The following SLC10A2 variants were observed in gnomAD, a reference collection of about 807,000 sequenced individuals.
SLC10A2 encodes solute carrier family 10 member 2.
Under a neutral mutation model 27.1 loss-of-function variants are expected in SLC10A2, and 34 were observed. The ratio of observed to expected loss-of-function variants is 1.26; its 90% CI spans 0.96 to 1.67. The LOEUF (loss-of-function observed/expected upper bound fraction) is 1.67. Among genes scored for constraint, SLC10A2 ranks in the 40% most tolerant of loss-of-function variants. The pLI is 0.00. For missense variants in SLC10A2, 530 were observed against 444.4 expected (o/e 1.19, Z -1.73); for synonymous variants, 205 against 174.0 (o/e 1.18, Z -1.40).
At chr13:103,056,672 A>T (rs1875947625) in intron 2 of SLC10A2, among the ~76,000 whole-genome samples, 1 of 152,048 alleles carries the variant, frequency 6.6e-6, no homozygotes, top group African/African-American at 2.4e-5. Flanking sequence ...GCGTCCGCTG[A>T]CAGAGCAGCC....
intron 4 of SLC10A2, among the ~76,000 whole-genome samples, chr13:103,050,272 G>C (rs1416325125): frequency 6.6e-6 from 1 of 152,146 alleles, no homozygotes; most frequent in Non-Finnish European, 1.5e-5. Context: ...AGGTCCCCCG[G>C]GCAGTGTGTG....
rs200735895 is a variant in SLC10A2 at position 103,052,637 on chromosome 13, C to G, written c.568G>C (p.Ala190Pro). The G allele has an allele frequency of 6.2e-7, 1 of 1,609,904 alleles. No homozygotes were observed. Among genetic ancestry groups the G allele is most frequent in the African/African-American group, 1.3e-5 (1 of 74,908 alleles). Residue 190 changes from alanine (A) to proline (P), a missense_variant, in exon 3 of 6, where the codon GCA (alanine) becomes CCA (proline). Transcript: ENST00000245312. ...MFVNHKWPQK[A>P]KIILKIGSIA... ...ATACTTACTTTAAGTATGATCTTTG[C>G]TTTTTGGGGCCATTTGTGATTAACA... is the stretch of plus-strand genomic sequence containing the variant.
intron 1 of SLC10A2, among the ~76,000 whole-genome samples, chr13:103,061,756 G>A (rs560190532): frequency 2.6e-5 from 4 of 152,120 alleles, no homozygotes; most frequent in African/African-American, 2.4e-5. Context: ...ATGAACAGAC[G>A]AATAGGTAGC....
rs1047839539 is a variant in SLC10A2, at chr13:103,045,660, T to C, written c.*473A>G. The C allele has an allele frequency of 6.5e-6, 1 of 153,470 alleles. No homozygotes were observed. The highest frequency in any genetic ancestry group is 1.5e-5 in the Non-Finnish European group (1 of 68,912). 9.5% of individuals were successfully genotyped at this position (153,470 alleles called of 1,614,324 possible). On this transcript the variant is annotated 3_prime_UTR_variant, in exon 6 of 6. Transcript: ENST00000245312. ...TTTAAAATAATGATTAAAATGTCAG[T>C]GAAAGATGTTCATGTCAATTTTTAT... is the stretch of plus-strand genomic sequence containing the variant.
intron 2 of SLC10A2, among the ~76,000 whole-genome samples, chr13:103,055,179 G>A (rs974853210): frequency 6.6e-6 from 1 of 152,134 alleles, no homozygotes; most frequent in Admixed American, 6.6e-5. Flanking sequence ...AAAATGGGTG[G>A]AGTTATGTCT....
chr13:103,046,188 T>TCCGTTA lies in SLC10A2; in HGVS notation c.991_992insTAACGG (p.Thr330_Glu331insValThr). The TCCGTTA allele has an allele frequency of 6.2e-7, 1 of 1,613,956 alleles. No individual in the cohort carries two copies. Among genetic ancestry groups the TCCGTTA allele is most frequent in the East Asian group, 2.2e-5 (1 of 44,858 alleles). ...TGCCTTATAAAACGATGACTCTGGC[T>TCCGTTA]CCGTTCCATTTTCTTTGCTCTCTGG... On this transcript the variant is annotated inframe_insertion, in exon 6 of 6. Transcript: ENST00000245312.
chr13:103,044,866 T>G lies in SLC10A2; in HGVS notation c.*1267A>C, dbSNP rs1875561689. On this transcript the variant is annotated 3_prime_UTR_variant, in exon 6 of 6. Transcript: ENST00000245312. Reference sequence around the variant, plus strand: ...ATCTTATAATTGAAAGTCCAACACTTGATGAGTTATTTTCCCCTGGCAGCC... The same window carrying G: ...ATCTTATAATTGAAAGTCCAACACTGGATGAGTTATTTTCCCCTGGCAGCC... The G allele has an allele frequency of 6.6e-6, 1 of 152,168 alleles. No individual in the cohort carries two copies. The highest frequency in any genetic ancestry group is 1.5e-5 in the Non-Finnish European group (1 of 68,034). The allele number at this position is 152,168 out of a possible 1,614,324, so 9.4% of individuals were successfully genotyped here.
chr13:103,055,039 G>A (rs959523962), intron 2 of SLC10A2, among the ~76,000 whole-genome samples: 10 of 152,176 alleles, frequency 6.6e-5, no homozygotes, highest in Admixed American at 1.3e-4. Flanking sequence ...ATGAAAGAGA[G>A]TGGTGGTGAA....
chr13:103,053,927 C>T (rs1875862517), intron 2 of SLC10A2, among the ~76,000 whole-genome samples: 1 of 151,972 alleles, frequency 6.6e-6, no homozygotes, highest in Admixed American at 6.6e-5. Flanking sequence ...GTGGCGTTGA[C>T]ACACGTACTG....
rs1437698172 is a variant in SLC10A2 at position 103,051,648 on chromosome 13, G to T, written c.586-216C>A. Among the ~76,000 whole-genome samples, 7 of 152,206 alleles carry T rather than the reference G, an allele frequency of 4.6e-5. No individual in the cohort carries two copies. The South Asian group carries it at 6.2e-4, about 14-fold the overall frequency. Reference sequence around the variant, plus strand: ...AAGCTTTAAGAACACAATAGGACATGTAGCAACCATTTGCAATTAGTCTGA... The same window carrying T: ...AAGCTTTAAGAACACAATAGGACATTTAGCAACCATTTGCAATTAGTCTGA... On this transcript the variant is annotated intron_variant, in intron 3 of 5. Transcript: ENST00000245312.
intron 2 of SLC10A2, among the ~76,000 whole-genome samples, chr13:103,054,411 C>A (rs1376458146): frequency 6.6e-6 from 1 of 152,162 alleles, no homozygotes; most frequent in Non-Finnish European, 1.5e-5. Context: ...AAGAAGGAAA[C>A]TCCCTCTCCT....
chr13:103,057,252 A>T (rs536445686), intron 2 of SLC10A2, among the ~76,000 whole-genome samples: 2 of 152,154 alleles, frequency 1.3e-5, no homozygotes, highest in Non-Finnish European at 2.9e-5. Context: ...TGTTCGTGAT[A>T]GTTCTGTGGG....
At chr13:103,049,200 A>T in intron 5 of SLC10A2, 89 bp downstream of exon 5, 1 of 1,368,476 alleles carries the variant, frequency 7.3e-7, no homozygotes. Flanking sequence ...ATTCACCACC[A>T]GGAACGGGGA....
intron 2 of SLC10A2, among the ~76,000 whole-genome samples, chr13:103,056,157 C>T (rs1875931205): frequency 6.6e-6 from 1 of 152,232 alleles, no homozygotes; most frequent in Non-Finnish European, 1.5e-5. Flanking sequence ...GTGAGGAGCA[C>T]TCTTTCTGCA....
intron 1 of SLC10A2, 62 bp downstream of exon 1, chr13:103,065,811 A>G: frequency 6.3e-7 from 1 of 1,592,762 alleles, no homozygotes; most frequent in Non-Finnish European, 8.6e-7. Flanking sequence ...TCAGAATGCC[A>G]TAGGCTTCTG....
At chr13:103,062,031 G>A (rs1056185136) in intron 1 of SLC10A2, among the ~76,000 whole-genome samples, 7 of 152,124 alleles carry the variant, frequency 4.6e-5, no homozygotes, top group African/African-American at 1.7e-4. Flanking sequence ...TCTTAATTTT[G>A]ACTTCAGCTC....
At chr13:103,048,985 G>A (rs1233982102) in intron 5 of SLC10A2, among the ~76,000 whole-genome samples, 1 of 152,196 alleles carries the variant, frequency 6.6e-6, no homozygotes, top group African/African-American at 2.4e-5. Flanking sequence ...AATGCCAGAA[G>A]GCGCACAATA....
chr13:103,065,187 TAGTTCA>T, intron 1 of SLC10A2, among the ~76,000 whole-genome samples: 1 of 152,354 alleles, frequency 6.6e-6, no homozygotes, highest in East Asian at 1.9e-4. Context: ...TTTCCAGTGC[TAGTTCA>T]GACTGGCACG....
chr13:103,057,210 C>T (rs1875963721), intron 2 of SLC10A2, among the ~76,000 whole-genome samples: 1 of 152,138 alleles, frequency 6.6e-6, no homozygotes, highest in East Asian at 1.9e-4. Flanking sequence ...GTGATTGTTA[C>T]TGATTTACTA....
Sources: gnomAD v4.1 joint callset for allele counts (sites outside exome capture counted in the v4.1 genomes callset) on GRCh38, gnomAD v4.1.1 for gene constraint, MANE v1.5 for transcripts, NCBI Gene and HGNC (gene_info 2026-07-23, HGNC 2026-07-21) for gene names.